Variants in PPARG observed in about 807,000 individuals in gnomAD.
The protein encoded by PPARG is peroxisome proliferator-activated receptor gamma.
PPARG carries 17 observed loss-of-function variants against 39.2 expected under a neutral mutation model. The observed-to-expected ratio is 0.43, with a 90% CI of 0.30 to 0.65. PPARG has a LOEUF of 0.65. PPARG is among the 30% of genes least tolerant of loss of function. The pLI, the probability that PPARG is intolerant of heterozygous loss-of-function variation, is 0.13. For missense variants in PPARG, 406 were observed against 585.9 expected (o/e 0.69, Z 3.17); for synonymous variants, 223 against 215.7 (o/e 1.03, Z -0.30).
Position 12,392,637 on chromosome 3 carries a change from A to T in PPARG, c.414A>T (p.Arg138Ser), listed in dbSNP as rs368726572. 1 of 1,613,794 alleles carries T rather than the reference A, an allele frequency of 6.2e-7. No individual in the cohort carries two copies. The highest frequency in any genetic ancestry group is 1.3e-5 in the African/African-American group (1 of 74,920). ...AGGGTTTCTTCCGGAGAACAATCAG[A>T]TTGAAGCTTATCTATGACAGATGTG... ...GCKGFFRRTI[R>S]LKLIYDRCDL... Residue 138 changes from arginine to serine, a missense_variant, in exon 5 of 8, where the codon AGA (arginine) becomes AGT (serine). Physicochemically the swap from Arg to Ser is moderately radical, Grantham distance 110. Around this residue, in one of 2 missense-constraint regions of PPARG, gnomAD observed 275 missense variants for 458.0 expected, o/e 0.60. Transcript: ENST00000651735.
chr3:12,385,583 A>G (rs2125190700), intron 4 of PPARG, among the ~76,000 whole-genome samples: 1 of 152,218 alleles, frequency 6.6e-6, no homozygotes, highest in East Asian at 1.9e-4. Context: ...CCTATTTTTT[A>G]TCTTTAGTGA....
intron 1 of PPARG, among the ~76,000 whole-genome samples, chr3:12,298,680 T>A (rs575025870): frequency 6.6e-6 from 1 of 152,376 alleles, no homozygotes; most frequent in East Asian, 1.9e-4. Context: ...CAGTTTGGGA[T>A]GATTTCATCC....
intron 5 of PPARG, among the ~76,000 whole-genome samples, chr3:12,394,367 G>A (rs1050669725): frequency 3.3e-5 from 5 of 152,046 alleles, no homozygotes; most frequent in African/African-American, 1.2e-4. Context: ...CATTGCATAC[G>A]TTTACTTAAA....
intron 4 of PPARG, among the ~76,000 whole-genome samples, chr3:12,390,647 T>A (rs917860875): frequency 7.1e-5 from 10 of 140,492 alleles, no homozygotes; most frequent in Non-Finnish European, 1.5e-4. Flanking sequence ...CTTTTTTTTT[T>A]TTTTTTTTTT....
At chr3:12,318,117 G>A (rs568356840) in intron 2 of PPARG, among the ~76,000 whole-genome samples, 2 of 152,206 alleles carry the variant, frequency 1.3e-5, no homozygotes, top group East Asian at 1.9e-4. Flanking sequence ...GGGACTACAG[G>A]CACACACCAC....
chr3:12,327,320 G>A (rs566089666), intron 2 of PPARG, among the ~76,000 whole-genome samples: 12 of 152,180 alleles, frequency 7.9e-5, no homozygotes, highest in Non-Finnish European at 1.3e-4. Flanking sequence ...AGTCTAAGTG[G>A]AACTTTGGCA....
chr3:12,327,308 G>A (rs1480348343), intron 2 of PPARG, among the ~76,000 whole-genome samples: 1 of 152,176 alleles, frequency 6.6e-6, no homozygotes, highest in African/African-American at 2.4e-5. Context: ...CTATAAATTA[G>A]CAGTCTAAGT....
intron 5 of PPARG, among the ~76,000 whole-genome samples, chr3:12,399,025 G>A (rs1413102578): frequency 6.6e-6 from 1 of 152,162 alleles, no homozygotes; most frequent in Non-Finnish European, 1.5e-5. Flanking sequence ...GTACAGAGAG[G>A]CACACTAGAG....
intron 7 of PPARG, among the ~76,000 whole-genome samples, chr3:12,421,204 C>T (rs1169061802): frequency 6.6e-6 from 1 of 152,236 alleles, no homozygotes; most frequent in African/African-American, 2.4e-5. Flanking sequence ...GGTCAGCACA[C>T]TCACTCTTGT....
At chr3:12,400,697 C>T (rs2050441634) in intron 5 of PPARG, among the ~76,000 whole-genome samples, 1 of 152,134 alleles carries the variant, frequency 6.6e-6, no homozygotes, top group African/African-American at 2.4e-5. Context: ...TTTTTTGAGC[C>T]TCAAAAACTA....
At chr3:12,347,186 CA>C (rs35004171) in intron 2 of PPARG, among the ~76,000 whole-genome samples, 173 of 137,818 alleles carry the variant, frequency 1.3e-3, no homozygotes, top group Admixed American at 1.5e-3. Context: ...GACCCTGTCT[CA>C]AAAAAAAAAA....
At chr3:12,305,399 A>T (rs926238722) in intron 1 of PPARG, among the ~76,000 whole-genome samples, 2 of 152,166 alleles carry the variant, frequency 1.3e-5, no homozygotes, top group African/African-American at 4.8e-5. Flanking sequence ...TAAAGTATTG[A>T]CTCACTAATC....
At chr3:12,320,016 A>G (rs758390415) in intron 2 of PPARG, among the ~76,000 whole-genome samples, 4 of 152,202 alleles carry the variant, frequency 2.6e-5, no homozygotes, top group African/African-American at 4.8e-5. Flanking sequence ...AGTCACCGGT[A>G]CACGCTAATC....
At chr3:12,372,001 G>A in intron 2 of PPARG, 1 of 716,876 alleles carries the variant, frequency 1.4e-6, no homozygotes, top group East Asian at 2.7e-5. Flanking sequence ...ACAGTTATGA[G>A]TACCATGACA....
intron 1 of PPARG, among the ~76,000 whole-genome samples, chr3:12,297,519 C>T (rs551803339): frequency 4.3e-4 from 66 of 152,026 alleles, no homozygotes; most frequent in African/African-American, 1.5e-3. Context: ...TAGTAAAGAT[C>T]AAGGCAATAT....
At chr3:12,344,755 T>C (rs1042551043) in intron 2 of PPARG, 1 of 152,192 alleles carries the variant, frequency 6.6e-6, no homozygotes, top group Admixed American at 6.5e-5. Flanking sequence ...AAGATTTAAA[T>C]ATTTGATTAT....
At chr3:12,367,025 C>T (rs1186060089) in intron 2 of PPARG, among the ~76,000 whole-genome samples, 1 of 152,074 alleles carries the variant, frequency 6.6e-6, no homozygotes, top group Non-Finnish European at 1.5e-5. Flanking sequence ...AGTCCGGTGC[C>T]TTCTGTTTCA....
In PPARG at chr3:12,434,079, C is replaced by T. The variant is rs149367249; in HGVS notation, c.1362C>T (p.Ile454=). The T allele has an allele frequency of 3.5e-3, 5,693 of 1,614,184 alleles. 20 individuals carry two copies. Among genetic ancestry groups the T allele is most frequent in the Non-Finnish European group, 4.4e-3 (5,134 of 1,180,020 alleles). ...VTEHVQLLQV[I]KKTETDMSLH... ...AACACGTGCAGCTACTGCAGGTGAT[C>T]AAGAAGACGGAGACAGACATGAGTC... is the stretch of plus-strand genomic sequence containing the variant. The change falls in exon 8 of 8, where the codon ATC becomes ATT. Residue 454 remains isoleucine (I), a synonymous_variant. Transcript: ENST00000651735. This position sits in a 1 kb window ranked among gnomAD's most constrained non-coding sequence, Gnocchi z 4.2.
At chr3:12,428,519 G>C (rs1201754516) in intron 7 of PPARG, among the ~76,000 whole-genome samples, 1 of 152,244 alleles carries the variant, frequency 6.6e-6, no homozygotes, top group African/African-American at 2.4e-5. Flanking sequence ...GGGCCTCCTG[G>C]CAACAGTGCC....
Sources: gnomAD v4.1 joint callset for allele counts (sites outside exome capture counted in the v4.1 genomes callset) on GRCh38, gnomAD v4.1.1 for gene constraint, gnomAD v4.1.1 regional missense constraint, Gnocchi (gnomAD v3.1) non-coding constraint, MANE v1.5 for transcripts, NCBI Gene and HGNC (gene_info 2026-07-23, HGNC 2026-07-21) for gene names.